Variants in PCDHGA7 observed in about 807,000 individuals in gnomAD.
The protein encoded by PCDHGA7 is protocadherin gamma-A7.
A neutral mutation model predicts 58.3 loss-of-function variants in PCDHGA7; 44 were observed. The observed-to-expected ratio is 0.75, with a 90% CI of 0.59 to 0.97. The LOEUF (loss-of-function observed/expected upper bound fraction) is 0.97, where lower values mean the gene tolerates loss of function less well. Among genes scored for constraint, PCDHGA7 ranks in the 50% least tolerant of loss-of-function variants. The pLI is 0.00. For synonymous variants in PCDHGA7, 516 were observed against 504.2 expected (o/e 1.02, Z -0.31); for missense variants, 1,266 against 1,188.7 (o/e 1.06, Z -0.96).
At chr5:141,470,112 G>T (rs1186184232) in intron 1 of PCDHGA7, among the ~76,000 whole-genome samples, 1 of 152,104 alleles carries the variant, frequency 6.6e-6, no homozygotes, top group Non-Finnish European at 1.5e-5. Flanking sequence ...CTGAGCAACA[G>T]AGCAAGACTT....
chr5:141,495,005 C>CG (rs2099758180), intron 2 of PCDHGA7, 140 bp downstream of exon 2: 6 of 1,522,802 alleles, frequency 3.9e-6, no homozygotes, highest in Admixed American at 2.0e-5. Context: ...TCTTGGTGTG[C>CG]GGGGGGCTGG....
chr5:141,468,868 AAATAAT>A (rs993655754), intron 1 of PCDHGA7, among the ~76,000 whole-genome samples: 1 of 151,794 alleles, frequency 6.6e-6, no homozygotes, highest in Non-Finnish European at 1.5e-5. Context: ...TCCATCTCAA[AAATAAT>A]AATAATAATA....
In PCDHGA7 at chr5:141,422,942, G is replaced by T. The variant is rs199976232; in HGVS notation, c.2424+37619G>T. On this transcript the variant is annotated intron_variant, in intron 1 of 3. Transcript: ENST00000518325. Reference sequence around the variant, plus strand: ...CTGTACCCTGCCCTCCCCACAGACGGCTCCACTGGCGTGGAGCTGGCGCCC... The same window carrying T: ...CTGTACCCTGCCCTCCCCACAGACGTCTCCACTGGCGTGGAGCTGGCGCCC... The T allele has an allele frequency of 3.6e-4, 583 of 1,614,096 alleles. 1 individual carries two copies. Among genetic ancestry groups the T allele is most frequent in the South Asian group, 5.2e-4 (47 of 91,090 alleles).
chr5:141,445,075 A>G (rs1251499929), intron 1 of PCDHGA7, among the ~76,000 whole-genome samples: 1 of 152,170 alleles, frequency 6.6e-6, no homozygotes, highest in East Asian at 1.9e-4. Context: ...TTCTCATTAA[A>G]TTGTCCCTAC....
In PCDHGA7 at chr5:141,384,908, A is replaced by C. The variant is rs868472813; in HGVS notation, c.2009A>C (p.Glu670Ala). 24 of 1,613,860 alleles carry C rather than the reference A, an allele frequency of 1.5e-5. 1 individual carries two copies. The highest frequency in any genetic ancestry group is 9.9e-5 in the South Asian group (9 of 91,086). ...GTGGCTGTGGCTGACAGCATCCCCG[A>C]AGTCTTGGCCGACCTGGGCAGCCTT... ...LTVAVADSIP[E>A]VLADLGSLEP... Residue 670 changes from glutamate (E) to alanine (A), a missense_variant, in exon 1 of 4, where the codon GAA (glutamate) becomes GCA (alanine). Glu to Ala is a moderately radical substitution (Grantham distance 107). Coordinates refer to ENST00000518325, the MANE Select transcript of PCDHGA7 (RefSeq NM_018920.4).
intron 1 of PCDHGA7, chr5:141,413,621 A>G (rs369411784): frequency 1.0e-4 from 161 of 1,613,784 alleles, no homozygotes; most frequent in Admixed American, 1.5e-4. Flanking sequence ...ATTAATGAAA[A>G]TGTCGCTGCG....
rs189127761 is a variant in PCDHGA7 at position 141,385,037 on chromosome 5, C to A, written c.2138C>A (p.Ala713Glu). Reference sequence around the variant, plus strand: ...CTAGCCTTCGTCCTCGTACTGCTGGCGCTCAGGCTGCGGCGCTGGCACAAG... The same window carrying A: ...CTAGCCTTCGTCCTCGTACTGCTGGAGCTCAGGCTGCGGCGCTGGCACAAG... ...VFLAFVLVLL[A>E]LRLRRWHKSR... is the part of the protein sequence containing the mutation. Residue 713 changes from alanine (A) to glutamate (E), a missense_variant, in exon 1 of 4, where the codon GCG becomes GAG. Ala to Glu is a moderately radical substitution (Grantham distance 107, BLOSUM62 -1). Transcript: ENST00000518325. The A allele has an allele frequency of 5.8e-5, 93 of 1,614,148 alleles. No individual in the cohort carries two copies. In the East Asian group the frequency reaches 1.7e-3, roughly 30 times the overall value.
At chr5:141,399,041 T>A (rs375762745) in intron 1 of PCDHGA7, 150 of 1,613,746 alleles carry the variant, frequency 9.3e-5, no homozygotes, top group Non-Finnish European at 1.2e-4. Context: ...AAACTGGATT[T>A]TGAAGAGACC....
At chr5:141,409,104 T>C in intron 1 of PCDHGA7, 3 of 1,613,960 alleles carry the variant, frequency 1.9e-6, no homozygotes, top group Non-Finnish European at 2.5e-6. Context: ...ACAGGTATGA[T>C]TAAGAATAAC....
chr5:141,431,554 C>G lies in PCDHGA7; in HGVS notation c.2424+46231C>G. 1 of 1,614,126 alleles carries G rather than the reference C, an allele frequency of 6.2e-7. No homozygotes were observed. The highest frequency in any genetic ancestry group is 1.7e-5 in the Admixed American group (1 of 60,032). ...TGGGCACGCAGCTGCTTGTAGTCAA[C>G]GCTACCGACCCTGACGAAGGAGTCA... is the stretch of plus-strand genomic sequence containing the variant. On this transcript the variant is annotated intron_variant, in intron 1 of 3. Coordinates refer to ENST00000518325, the MANE Select transcript of PCDHGA7 (RefSeq NM_018920.4). This position sits in a 1 kb window ranked among gnomAD's most constrained non-coding sequence, Gnocchi z 4.8.
intron 1 of PCDHGA7, chr5:141,387,565 T>C: frequency 2.3e-6 from 1 of 437,244 alleles, no homozygotes; most frequent in Non-Finnish European, 4.0e-6. Flanking sequence ...AGGCACACAA[T>C]TATAATTATT....
At chr5:141,475,512 C>A (rs2099364350) in intron 1 of PCDHGA7, among the ~76,000 whole-genome samples, 2 of 152,326 alleles carry the variant, frequency 1.3e-5, no homozygotes, top group South Asian at 4.1e-4. Context: ...AATGTCTCCA[C>A]GGAAATGCTA....
At chr5:141,428,002 T>G in intron 1 of PCDHGA7, 1 of 1,601,328 alleles carries the variant, frequency 6.2e-7, no homozygotes, top group Non-Finnish European at 8.5e-7. Context: ...TCCGCACTCT[T>G]CGATATAGTG....
At chr5:141,411,309 C>A (rs2095479833) in intron 1 of PCDHGA7, 1 of 152,130 alleles carries the variant, frequency 6.6e-6, no homozygotes, top group African/African-American at 2.4e-5. Context: ...GTGGCTCACA[C>A]CTATAATCAC....
chr5:141,382,773 T>C lies in PCDHGA7; in HGVS notation c.-127T>C. On this transcript the variant is annotated 5_prime_UTR_variant, in exon 1 of 4. Transcript: ENST00000518325. ...CGATAAGCCCTCTTCCAGGCTGCAC[T>C]AAACTCAAGCCTCTATCCTGCTGGA... is the stretch of plus-strand genomic sequence containing the variant. 1.3e-6 allele frequency: 1 copy of C among 782,328 alleles called. No homozygotes were observed. Among genetic ancestry groups the C allele is most frequent in the Non-Finnish European group, 2.0e-6 (1 of 495,140 alleles). 48.5% of individuals were successfully genotyped at this position (782,328 alleles called of 1,614,324 possible).
intron 1 of PCDHGA7, chr5:141,415,899 G>A (rs1224954481): frequency 1.2e-6 from 1 of 869,552 alleles, no homozygotes; most frequent in Non-Finnish European, 1.6e-6. Flanking sequence ...TCCTAAGACA[G>A]ACTTCCATAC....
chr5:141,460,909 G>GGTGT (rs548378036), intron 1 of PCDHGA7, among the ~76,000 whole-genome samples: 1 of 123,246 alleles, frequency 8.1e-6, no homozygotes, highest in African/African-American at 3.7e-5. Flanking sequence ...AATATTCCAT[G>GGTGT]GTGTATATAT....
At chr5:141,497,464 TGGA>T (rs769464389) in intron 2 of PCDHGA7, among the ~76,000 whole-genome samples, 3 of 151,764 alleles carry the variant, frequency 2.0e-5, no homozygotes, top group Non-Finnish European at 4.4e-5. Context: ...CTTGGAGATA[TGGA>T]GGAGAAGGTG....
At chr5:141,416,846 A>G (rs1412860680) in intron 1 of PCDHGA7, 2 of 152,120 alleles carry the variant, frequency 1.3e-5, no homozygotes, top group Non-Finnish European at 2.9e-5. Flanking sequence ...TTATAATTCC[A>G]TGATTTTTTT....
Sources: gnomAD v4.1 joint callset for allele counts (sites outside exome capture counted in the v4.1 genomes callset) on GRCh38, gnomAD v4.1.1 for gene constraint, Gnocchi (gnomAD v3.1) non-coding constraint, MANE v1.5 for transcripts, NCBI Gene and HGNC (gene_info 2026-07-23, HGNC 2026-07-21) for gene names.